The following HEATR1 variants were observed in gnomAD, a reference collection of about 807,000 sequenced individuals.
The protein encoded by HEATR1 is HEAT repeat containing 1.
Under a neutral mutation model 248.2 loss-of-function variants are expected in HEATR1, and 77 were observed. That is an observed-to-expected ratio of 0.31 (90% CI 0.26 to 0.37). The LOEUF (loss-of-function observed/expected upper bound fraction) is 0.37. Among genes scored for constraint, HEATR1 ranks in the 10% least tolerant of loss-of-function variants. HEATR1 has a pLI of 1.00. For synonymous variants in HEATR1, 897 were observed against 923.1 expected (o/e 0.97, Z 0.51); for missense variants, 2,420 against 2,504.9 (o/e 0.97, Z 0.72).
intron 44 of HEATR1, 93 bp from the exon 45 acceptor site, chr1:236,551,083 C>T (rs1253475647): frequency 4.4e-5 from 45 of 1,018,568 alleles, no homozygotes; most frequent in South Asian, 1.6e-5. Flanking sequence ...TTGCACTTTC[C>T]GGCAATCATT....
chr1:236,577,094 C>A (rs1663581580), intron 20 of HEATR1, 145 bp from the exon 21 acceptor site: 5 of 634,142 alleles, frequency 7.9e-6, no homozygotes, highest in Middle Eastern at 4.4e-4. Flanking sequence ...ATTTAATATT[C>A]CAGAGAAAGG....
At chr1:236,587,901 G>C (rs762190271) in intron 13 of HEATR1, 47 bp downstream of exon 13, 1 of 1,370,756 alleles carries the variant, frequency 7.3e-7, no homozygotes, top group Non-Finnish European at 1.0e-6. Context: ...AGAAGGGCAA[G>C]GAAATTTACA....
At chr1:236,596,753 C>CACTTAAATCTA in intron 6 of HEATR1, 83 bp downstream of exon 6, 1 of 1,312,826 alleles carries the variant, frequency 7.6e-7, no homozygotes, top group Non-Finnish European at 1.0e-6. Context: ...AATTTAAAAA[C>CACTTAAATCTA]ACTTAAATCT....
chr1:236,557,393 G>A (rs1281917673), intron 36 of HEATR1, 48 bp from the exon 37 acceptor site: 2 of 1,601,792 alleles, frequency 1.2e-6, no homozygotes, highest in Admixed American at 3.4e-5. Context: ...AGAAACAGAG[G>A]CTAGGGAATG....
chr1:236,595,237 G>C (rs796454449), intron 8 of HEATR1, among the ~76,000 whole-genome samples: 15 of 152,126 alleles, frequency 9.9e-5, no homozygotes, highest in African/African-American at 3.4e-4. Context: ...AGAAGGCAAA[G>C]GTTTACTCAG....
At chr1:236,578,315 T>C (rs4336840) in intron 20 of HEATR1, among the ~76,000 whole-genome samples, 2,371 of 152,382 alleles carry the variant, frequency 0.016, 15 homozygotes, top group Middle Eastern at 0.075. Flanking sequence ...TTTGCCTTTA[T>C]TATATTCATA....
chr1:236,558,198 G>A (rs1018599444), intron 36 of HEATR1, 39 bp downstream of exon 36: 18 of 1,575,178 alleles, frequency 1.1e-5, no homozygotes, highest in Non-Finnish European at 1.5e-5. Flanking sequence ...ATGTGTGCCA[G>A]GCGGTAACAG....
rs1481382048 is a variant in HEATR1 at position 236,603,329 on chromosome 1, G to C, written c.190C>G (p.Gln64Glu). The C allele has an allele frequency of 1.9e-6, 3 of 1,614,098 alleles. No homozygotes were observed. Among genetic ancestry groups the C allele is most frequent in the Non-Finnish European group, 2.5e-6 (3 of 1,180,018 alleles). The change falls in exon 3 of 45, where the codon CAG (glutamine) becomes GAG (glutamate). Residue 64 changes from glutamine (Q) to glutamate (E), a missense_variant. Transcript: ENST00000366582. ...ELLGIDPSFEQFEAPLFSQLA... is the reference protein window; with the variant it reads ...ELLGIDPSFEEFEAPLFSQLA... ...TGACTGAACAACGGTGCTTCAAACT[G>C]CTCAAAGGAAGGATCAATTCCAAGC...
chr1:236,581,167 A>C, intron 20 of HEATR1, 55 bp downstream of exon 20: 2 of 1,424,096 alleles, frequency 1.4e-6, no homozygotes, highest in Non-Finnish European at 2.0e-6. Context: ...TAAACCATAT[A>C]GAGAAAGCAT....
intron 43 of HEATR1, 68 bp downstream of exon 43, chr1:236,553,513 C>T (rs1662845499): frequency 6.7e-7 from 1 of 1,485,758 alleles, no homozygotes; most frequent in Non-Finnish European, 9.1e-7. Context: ...CATCTGTGAC[C>T]ACCTGCAGGC....
chr1:236,601,765 A>T (rs1367984150), intron 3 of HEATR1, among the ~76,000 whole-genome samples: 1 of 151,956 alleles, frequency 6.6e-6, no homozygotes, highest in Non-Finnish European at 1.5e-5. Context: ...TGAGCCCTGG[A>T]GATCGAGTGG....
chr1:236,577,630 A>T (rs147364744), intron 20 of HEATR1, among the ~76,000 whole-genome samples: 5,225 of 151,854 alleles, frequency 0.034, 107 homozygotes, highest in Middle Eastern at 0.058. Flanking sequence ...CTGGGATTAC[A>T]GGCACGCGCC....
chr1:236,570,537 T>A (rs1663399836), intron 28 of HEATR1, among the ~76,000 whole-genome samples: 1 of 152,056 alleles, frequency 6.6e-6, no homozygotes, highest in Non-Finnish European at 1.5e-5. Context: ...TAGGGTTTCT[T>A]TTCTGGGGTG....
chr1:236,555,053 T>TG (rs1279047463), intron 41 of HEATR1, among the ~76,000 whole-genome samples: 1 of 152,194 alleles, frequency 6.6e-6, no homozygotes, highest in Non-Finnish European at 1.5e-5. Context: ...TTACTTCCAG[T>TG]AACTGACAGT....
rs556011373 is a variant in HEATR1 at position 236,577,591 on chromosome 1, C to T, written c.2756-642G>A. 2.6e-5 allele frequency among the ~76,000 whole-genome samples: 4 copies of T among 151,522 alleles called. No individual in the cohort carries two copies. The South Asian group carries it at 8.3e-4, about 31-fold the overall frequency. The stretch of plus-strand genomic sequence containing the variant: ...GCAACCTCTGCCTCCTGGATTCAAG[C>T]GATTCTCCTGCCTCAGCCTCCCAAG... On this transcript the variant is annotated intron_variant, in intron 20 of 44. Coordinates refer to ENST00000366582, the MANE Select transcript of HEATR1 (RefSeq NM_018072.6).
At position 236,582,810 on chromosome 1, in the gene HEATR1, T is replaced by A. The variant is rs1282543751; in HGVS notation, c.2488A>T (p.Ile830Phe). The change falls in exon 19 of 45, where the codon ATT becomes TTT. Residue 830 changes from isoleucine (I) to phenylalanine (F), a missense_variant. Physicochemically the swap from Ile to Phe is conservative, Grantham distance 21. Transcript: ENST00000366582. ...EDSRDYLHLL[I>F]GLFEMMLNGA... ...TTGAGCATCATCTCAAACAGCCCAA[T>A]GAGCAAGTGCAGATAGTCCCTGCTG... The A allele has an allele frequency of 6.2e-7, 1 of 1,613,988 alleles. No individual in the cohort carries two copies. Among genetic ancestry groups the A allele is most frequent in the Non-Finnish European group, 8.5e-7 (1 of 1,179,954 alleles).
At chr1:236,565,597 AT>A (rs1558180822) in intron 31 of HEATR1, among the ~76,000 whole-genome samples, 1 of 152,126 alleles carries the variant, frequency 6.6e-6, no homozygotes, top group African/African-American at 2.4e-5. Flanking sequence ...ATGTCTTCAG[AT>A]ATTTTAATGA....
intron 32 of HEATR1, among the ~76,000 whole-genome samples, chr1:236,562,281 C>T (rs1663150492): frequency 2.0e-5 from 3 of 152,220 alleles, no homozygotes; most frequent in Admixed American, 6.5e-5. Context: ...TTCTCTCAGC[C>T]TGTGGCTTTC....
intron 3 of HEATR1, among the ~76,000 whole-genome samples, chr1:236,601,682 A>AAC (rs1327943622): frequency 5.3e-4 from 80 of 152,058 alleles, no homozygotes; most frequent in Middle Eastern, 6.8e-3. Flanking sequence ...ACAAACAAAA[A>AAC]AAAAACTAGG....
Sources: gnomAD v4.1 joint callset for allele counts (sites outside exome capture counted in the v4.1 genomes callset) on GRCh38, gnomAD v4.1.1 for gene constraint, MANE v1.5 for transcripts, NCBI Gene and HGNC (gene_info 2026-07-23, HGNC 2026-07-21) for gene names.